The following SLC15A5 variants were observed in gnomAD, a reference collection of about 807,000 sequenced individuals.
SLC15A5 encodes the protein solute carrier family 15 member 5.
Under a neutral mutation model 56.1 loss-of-function variants are expected in SLC15A5, and 58 were observed. The observed-to-expected ratio is 1.03, with a 90% confidence interval of 0.84 to 1.29. SLC15A5 has a LOEUF of 1.29. Ranked by LOEUF, SLC15A5 falls within the 50% of genes most tolerant of loss-of-function variation. The pLI is 0.00. For missense variants in SLC15A5, 681 were observed against 672.1 expected, an observed-to-expected ratio of 1.01 and a Z score of -0.15; for synonymous variants, 264 against 250.5, an observed-to-expected ratio of 1.05 and a Z score of -0.51.
At chr12:16,234,227 T>C (rs191905940) in intron 5 of SLC15A5, among the ~76,000 whole-genome samples, 34 of 152,218 alleles carry the variant, frequency 2.2e-4, no homozygotes, top group Admixed American at 2.1e-3. Flanking sequence ...TTTATGACAG[T>C]GGAACACTGA....
chr12:16,200,993 T>C (rs753421103), intron 7 of SLC15A5, among the ~76,000 whole-genome samples: 5 of 152,106 alleles, frequency 3.3e-5, no homozygotes, highest in Admixed American at 6.6e-5. Context: ...CCAATCAGAA[T>C]ATGTAACAAC....
At chr12:16,256,052 C>T (rs1387620704) in intron 3 of SLC15A5, among the ~76,000 whole-genome samples, 2 of 152,092 alleles carry the variant, frequency 1.3e-5, no homozygotes, top group African/African-American at 4.8e-5. Flanking sequence ...GATTAAAATA[C>T]ATAAAAAATG....
At chr12:16,230,397 T>C (rs1033426933) in intron 5 of SLC15A5, among the ~76,000 whole-genome samples, 1 of 152,122 alleles carries the variant, frequency 6.6e-6, no homozygotes, top group Non-Finnish European at 1.5e-5. Context: ...GTTTGCAGCT[T>C]ATTTTACTGA....
intron 2 of SLC15A5, among the ~76,000 whole-genome samples, chr12:16,266,285 T>C (rs914744591): frequency 1.4e-5 from 2 of 147,908 alleles, no homozygotes; most frequent in African/African-American, 4.9e-5. Context: ...TTTCAGTCTT[T>C]AGGAAACTCT....
intron 6 of SLC15A5, 92 bp downstream of exon 6, chr12:16,224,322 T>C: frequency 8.1e-7 from 1 of 1,227,092 alleles, no homozygotes; most frequent in South Asian, 1.7e-5. Context: ...GGTGAATAGA[T>C]GACATACCAC....
At chr12:16,236,760 G>A (rs1451451151) in intron 5 of SLC15A5, among the ~76,000 whole-genome samples, 1 of 152,140 alleles carries the variant, frequency 6.6e-6, no homozygotes, top group African/African-American at 2.4e-5. Context: ...GCATGTGACA[G>A]TATAAGGAGT....
Position 16,277,533 on chromosome 12 carries a change from C to T in SLC15A5, c.153G>A (p.Leu51=). 6.5e-7 allele frequency: 1 copy of T among 1,536,508 alleles called. No individual in the cohort carries two copies. The highest frequency in any genetic ancestry group is 8.7e-7 in the Non-Finnish European group (1 of 1,146,392). ...QVGICLLLVE[L]CERFTFFEVV... ...CTTCAAAGAACGTGAACCTCTCACA[C>T]AGCTCCACCAGAAGCAAGCAGATTC... The change falls in exon 1 of 9, where the codon CTG becomes CTA. Residue 51 remains leucine, a synonymous_variant. Coordinates refer to ENST00000344941, the MANE Select transcript of SLC15A5 (RefSeq NM_001170798.1).
At chr12:16,266,492 T>A (rs1209810578) in intron 2 of SLC15A5, among the ~76,000 whole-genome samples, 1 of 152,224 alleles carries the variant, frequency 6.6e-6, no homozygotes, top group East Asian at 1.9e-4. Context: ...GAAGAGATTT[T>A]ACATGAAGTA....
rs573029353 is a variant in SLC15A5 at position 16,239,718 on chromosome 12, G to A, written c.1125C>T (p.Pro375=). Reference sequence around the variant, plus strand: ...ACAGAAATGATCCAACTCTCTTAGAGGGAAACAGGCAGGTGCTGAAATACT... The same window carrying A: ...ACAGAAATGATCCAACTCTCTTAGAAGGAAACAGGCAGGTGCTGAAATACT... ...FLEYFSTCLF[P]SKRVGSFLST... The change falls in exon 5 of 9, where the codon CCC becomes CCT. Residue 375 remains proline, a synonymous_variant. Coordinates refer to ENST00000344941, the MANE Select transcript of SLC15A5 (RefSeq NM_001170798.1). 16 of 1,537,368 alleles carry A rather than the reference G, an allele frequency of 1.0e-5. No individual in the cohort carries two copies. In the Admixed American group the frequency reaches 2.9e-4, roughly 28 times the overall value.
chr12:16,271,680 A>G lies in SLC15A5; in HGVS notation c.584+881T>C, dbSNP rs1864759198. On this transcript the variant is annotated intron_variant, in intron 2 of 8. Coordinates refer to ENST00000344941, the MANE Select transcript of SLC15A5 (RefSeq NM_001170798.1). This position sits in a 1 kb window ranked among gnomAD's most constrained non-coding sequence, Gnocchi z 8.0. The stretch of plus-strand genomic sequence containing the variant: ...ACACTATTTACTCTAAAAATGGACA[A>G]TGTAGCTCACATCTGTTTGACATCC... Among the ~76,000 whole-genome samples, 2 of 152,224 alleles carry G rather than the reference A, an allele frequency of 1.3e-5. No individual in the cohort carries two copies. The highest frequency in any genetic ancestry group is 6.5e-5 in the Admixed American group (1 of 15,272).
intron 7 of SLC15A5, among the ~76,000 whole-genome samples, chr12:16,211,175 C>T (rs142875206): frequency 9.5e-4 from 145 of 152,248 alleles, no homozygotes; most frequent in African/African-American, 3.4e-3. Context: ...TTTGAGGAAG[C>T]GTATCTCTTA....
rs766458422 is a variant in SLC15A5, at chr12:16,193,780, GGAGAGAGA to G, written c.1592+557_1592+564del. On this transcript the variant is annotated intron_variant, in intron 8 of 8. Transcript: ENST00000344941. ...ACAGCTGTCCAAGAATATGTCAAGG[GGAGAGAGA>G]GAGAGAGAGAGAGAGAGAGAGAGAG... Among the ~76,000 whole-genome samples, 600 of 75,740 alleles carry G rather than the reference GGAGAGAGA, an allele frequency of 7.9e-3. 48 individuals carry two copies. Among genetic ancestry groups the G allele is most frequent in the Middle Eastern group, 0.017 (2 of 116 alleles). 49.7% of individuals were successfully genotyped at this position (75,740 alleles called of 152,430 possible). A position where few individuals can be genotyped will look rare whatever the true frequency, so the allele number is the denominator to read the frequency against.
intron 7 of SLC15A5, among the ~76,000 whole-genome samples, chr12:16,194,719 A>G (rs1183541080): frequency 6.6e-6 from 1 of 152,102 alleles, no homozygotes; most frequent in African/African-American, 2.4e-5. Flanking sequence ...TGGGTTGTAA[A>G]GGTAATCCTG....
intron 7 of SLC15A5, among the ~76,000 whole-genome samples, chr12:16,203,782 G>A (rs1863986588): frequency 1.3e-5 from 2 of 152,040 alleles, no homozygotes; most frequent in Admixed American, 1.3e-4. Flanking sequence ...TGTACCTGAA[G>A]ATTAATTTTG....
intron 2 of SLC15A5, among the ~76,000 whole-genome samples, chr12:16,270,388 C>T (rs1334851322): frequency 2.6e-5 from 4 of 152,088 alleles, no homozygotes; most frequent in Admixed American, 6.6e-5. Context: ...GGCTGAAATT[C>T]GTTATATTTA....
Position 16,235,296 on chromosome 12 carries a change from GTATATGTATA to G in SLC15A5, c.1162+4375_1162+4384del, listed in dbSNP as rs1207765441. Reference sequence around the variant, plus strand: ...TGTATATATATGTATATATGTATATGTATATGTATATATATGTATATATGTATATGTATAT... The same window carrying G: ...TGTATATATATGTATATATGTATATGTATATGTATATATGTATATGTATAT... On this transcript the variant is annotated intron_variant, in intron 5 of 8. Transcript: ENST00000344941. The surrounding 1 kb of genome is among the most constrained non-coding windows in gnomAD (Gnocchi z 4.1). Among the ~76,000 whole-genome samples, 5 of 147,202 alleles carry G rather than the reference GTATATGTATA, an allele frequency of 3.4e-5. No homozygotes were observed. The highest frequency in any genetic ancestry group is 1.3e-4 in the African/African-American group (5 of 39,964).
Position 16,271,336 on chromosome 12 carries a change from C to T in SLC15A5, c.584+1225G>A, listed in dbSNP as rs1864753269. On this transcript the variant is annotated intron_variant, in intron 2 of 8. Transcript: ENST00000344941. The surrounding 1 kb of genome is among the most constrained non-coding windows in gnomAD (Gnocchi z 8.0). ...CTGATTGCTCTCCAGTCTTAATCCT[C>T]CAGAGTCTTATTTAATCAAAATGAT... Among the ~76,000 whole-genome samples the T allele has an allele frequency of 1.3e-5, 2 of 152,252 alleles. No individual in the cohort carries two copies. Among genetic ancestry groups the T allele is most frequent in the African/African-American group, 4.8e-5 (2 of 41,568 alleles).
rs997621566 is a variant in SLC15A5, at chr12:16,216,782, G to A, written c.1483+111C>T. On this transcript the variant is annotated intron_variant, in intron 7 of 8. Coordinates refer to ENST00000344941, the MANE Select transcript of SLC15A5 (RefSeq NM_001170798.1). The stretch of plus-strand genomic sequence containing the variant: ...TTAATTCTATCTTAATTGCAAAAGT[G>A]GATCAATTAAAAAAAGACTGCACTG... 7.2e-5 allele frequency: 62 copies of A among 864,040 alleles called. No individual in the cohort carries two copies. The African/African-American group carries it at 9.2e-4, about 13-fold the overall frequency. 53.5% of individuals were successfully genotyped at this position (864,040 alleles called of 1,614,324 possible). A position where few individuals can be genotyped will look rare whatever the true frequency, so the allele number is the denominator to read the frequency against.
At chr12:16,202,849 G>T (rs1799521) in intron 7 of SLC15A5, among the ~76,000 whole-genome samples, 1 of 151,940 alleles carries the variant, frequency 6.6e-6, no homozygotes, top group Non-Finnish European at 1.5e-5. Flanking sequence ...GCTAATTGAC[G>T]TAAGCAAGAC....
Sources: allele counts gnomAD v4.1 joint callset (sites outside exome capture counted in the v4.1 genomes callset), GRCh38; gene constraint gnomAD v4.1.1; non-coding constraint Gnocchi (gnomAD v3.1); transcripts MANE v1.5; gene names NCBI Gene and HGNC (gene_info 2026-07-23, HGNC 2026-07-21).